Variants in SEPSECS observed in about 807,000 individuals in gnomAD.
The protein encoded by SEPSECS is O-phosphoseryl-tRNA(Sec) selenium transferase.
In SEPSECS, 42 loss-of-function variants were observed where a neutral mutation model predicts 52.1. The observed-to-expected ratio is 0.81, with a 90% CI of 0.63 to 1.04. The LOEUF (loss-of-function observed/expected upper bound fraction) is 1.04, where lower values mean the gene tolerates loss of function less well. Ranked by LOEUF, SEPSECS falls within the 50% of genes least tolerant of loss-of-function variation. The probability of loss-of-function intolerance (pLI) is 0.00; values close to 1 mark genes in which losing one functional copy is unlikely to be tolerated. For missense variants in SEPSECS, 590 were observed against 610.6 expected (o/e 0.97, Z 0.36); for synonymous variants, 216 against 211.4 (o/e 1.02, Z -0.19).
intron 6 of SEPSECS, among the ~76,000 whole-genome samples, chr4:25,149,122 A>G (rs1242100598): frequency 6.6e-6 from 1 of 151,966 alleles, no homozygotes; most frequent in East Asian, 1.9e-4. Context: ...CAGTGGGGCT[A>G]TCTTGGCTCA....
chr4:25,155,129 T>C lies in SEPSECS; in HGVS notation c.570A>G (p.Glu190=). The C allele has an allele frequency of 6.2e-7, 1 of 1,614,128 alleles. No homozygotes were observed. The highest frequency in any genetic ancestry group is 8.5e-7 in the Non-Finnish European group (1 of 1,180,008). Residue 190 remains glutamate (E), a synonymous_variant, in exon 5 of 11, where the codon GAA becomes GAG. Coordinates refer to ENST00000382103, the MANE Select transcript of SEPSECS (RefSeq NM_016955.4). ...GCAGCTCGTCACCTTCCAAAACATT[T>C]TCTATCACCACAGGCTCAAAACCTA... The part of the protein sequence containing the change: ...ITAGFEPVVI[E]NVLEGDELRT...
chr4:25,132,638 C>A (rs751344930), intron 8 of SEPSECS, among the ~76,000 whole-genome samples: 1 of 152,156 alleles, frequency 6.6e-6, no homozygotes, highest in African/African-American at 2.4e-5. Context: ...AAATGGGCAT[C>A]GTAATACTTT....
chr4:25,154,670 C>T (rs974535628), intron 5 of SEPSECS, among the ~76,000 whole-genome samples: 2 of 151,864 alleles, frequency 1.3e-5, no homozygotes, highest in African/African-American at 4.8e-5. Flanking sequence ...CAACATTTAG[C>T]TTAGAAAAGA....
intron 9 of SEPSECS, among the ~76,000 whole-genome samples, chr4:25,126,978 T>C (rs1416181991): frequency 6.6e-6 from 1 of 152,196 alleles, no homozygotes; most frequent in East Asian, 1.9e-4. Flanking sequence ...TAATTATTTA[T>C]AAATAGAGTT....
intron 6 of SEPSECS, among the ~76,000 whole-genome samples, chr4:25,146,944 T>C (rs1417784908): frequency 6.6e-6 from 1 of 152,210 alleles, no homozygotes; most frequent in Non-Finnish European, 1.5e-5. Context: ...TCTTTCCTGC[T>C]TGAAATCCTT....
At chr4:25,143,887 T>G (rs561721404) in intron 8 of SEPSECS, among the ~76,000 whole-genome samples, 1 of 152,230 alleles carries the variant, frequency 6.6e-6, no homozygotes, top group Non-Finnish European at 1.5e-5. Flanking sequence ...CTCTCCCAGA[T>G]AGAAGATGAA....
chr4:25,128,703 G>A (rs1162704534), intron 8 of SEPSECS, among the ~76,000 whole-genome samples: 3 of 151,936 alleles, frequency 2.0e-5, no homozygotes, highest in Admixed American at 1.3e-4. Context: ...AACTACATCT[G>A]CAGCTAAACA....
At chr4:25,125,525 TG>T in intron 10 of SEPSECS, 168 bp downstream of exon 10, 1 of 650,262 alleles carries the variant, frequency 1.5e-6, no homozygotes. Flanking sequence ...AGTCCACAGG[TG>T]GGCATACAGT....
At chr4:25,157,126 T>C in intron 2 of SEPSECS, 152 bp from the exon 3 acceptor site, 1 of 686,102 alleles carries the variant, frequency 1.5e-6, no homozygotes, top group Non-Finnish European at 2.7e-6. Flanking sequence ...GATGTGGAAC[T>C]CTCCTACTTA....
Position 25,123,996 on chromosome 4 carries a change from T to C in SEPSECS, c.1441A>G (p.Ile481Val), listed in dbSNP as rs771601231. 43 of 1,613,478 alleles carry C rather than the reference T, an allele frequency of 2.7e-5. No homozygotes were observed. Among genetic ancestry groups the C allele is most frequent in the Non-Finnish European group, 3.6e-5 (42 of 1,179,576 alleles). The change falls in exon 11 of 11, where the codon ATT becomes GTT. Residue 481 changes from isoleucine (I) to valine (V), a missense_variant. Coordinates refer to ENST00000382103, the MANE Select transcript of SEPSECS (RefSeq NM_016955.4). ...TCTAGTTTTAAAGCCATTTCTTCAA[T>C]ATCCACATCTTCAGTTTTGTCATAA... is the stretch of plus-strand genomic sequence containing the variant. ...DNYDKTEDVD[I>V]EEMALKLDNV...
At chr4:25,136,872 G>C (rs987479326) in intron 8 of SEPSECS, among the ~76,000 whole-genome samples, 1 of 152,080 alleles carries the variant, frequency 6.6e-6, no homozygotes, top group Non-Finnish European at 1.5e-5. Flanking sequence ...CAGACACATA[G>C]GCCAACGAAA....
At chr4:25,142,026 C>T (rs1711580690) in intron 8 of SEPSECS, among the ~76,000 whole-genome samples, 1 of 152,244 alleles carries the variant, frequency 6.6e-6, no homozygotes, top group African/African-American at 2.4e-5. Flanking sequence ...CCTGTAATCC[C>T]AACACCCTGG....
At chr4:25,157,927 A>G (rs1269408317) in intron 2 of SEPSECS, among the ~76,000 whole-genome samples, 1 of 152,210 alleles carries the variant, frequency 6.6e-6, no homozygotes, top group African/African-American at 2.4e-5. Context: ...CTTAATTTTA[A>G]AAGAACTATA....
chr4:25,151,815 A>G (rs1712319882), intron 6 of SEPSECS, 145 bp downstream of exon 6: 1 of 640,254 alleles, frequency 1.6e-6, no homozygotes, highest in Non-Finnish European at 2.9e-6. Flanking sequence ...TTGAGAGATT[A>G]TCAGATGTAA....
At chr4:25,125,813 C>A in intron 9 of SEPSECS, 29 bp from the exon 10 acceptor site, 1 of 1,418,202 alleles carries the variant, frequency 7.1e-7, no homozygotes, top group Non-Finnish European at 9.9e-7. Context: ...TCCTAATAAG[C>A]CTTGGTTTAC....
At position 25,144,759 on chromosome 4, in the gene SEPSECS, A is replaced by G. The variant is rs895759884; in HGVS notation, c.1026+15T>C. 4 of 1,568,094 alleles carry G rather than the reference A, an allele frequency of 2.6e-6. No individual in the cohort carries two copies. In the East Asian group the frequency reaches 9.0e-5, roughly 35 times the overall value. The stretch of plus-strand genomic sequence containing the variant: ...TAGTCAAGAATGTTATTCGACACCT[A>G]AAGGGAAAGCTTACCTTTCTTTCTT... On this transcript the variant is annotated intron_variant, in intron 8 of 10. Transcript: ENST00000382103.
chr4:25,139,930 A>C (rs1176662026), intron 8 of SEPSECS, among the ~76,000 whole-genome samples: 1 of 152,260 alleles, frequency 6.6e-6, no homozygotes, highest in Non-Finnish European at 1.5e-5. Context: ...TTCATCTCAC[A>C]GCCCAGTCCA....
At chr4:25,159,207 C>A (rs2109039610) in intron 1 of SEPSECS, 100 bp from the exon 2 acceptor site, 1 of 1,035,930 alleles carries the variant, frequency 9.7e-7, no homozygotes, top group Non-Finnish European at 1.4e-6. Context: ...TATTTTGCCA[C>A]GCTGCTTGTT....
At chr4:25,146,079 T>C (rs560611576) in intron 6 of SEPSECS, among the ~76,000 whole-genome samples, 11 of 152,362 alleles carry the variant, frequency 7.2e-5, no homozygotes, top group African/African-American at 1.2e-4. Context: ...TTCTGTCTAA[T>C]GTGCTTCAAT....
Sources: gnomAD v4.1 joint callset for allele counts (sites outside exome capture counted in the v4.1 genomes callset) on GRCh38, gnomAD v4.1.1 for gene constraint, MANE v1.5 for transcripts, NCBI Gene and HGNC (gene_info 2026-07-23, HGNC 2026-07-21) for gene names.